TMPRSS9: variants seen among roughly 807,000 people sequenced by gnomAD.
TMPRSS9 encodes transmembrane protease serine 9.
A neutral mutation model predicts 111.4 loss-of-function variants in TMPRSS9; 113 were observed. The observed-to-expected ratio is 1.01, with a 90% CI of 0.87 to 1.19. TMPRSS9 has a LOEUF of 1.19. Ranked by LOEUF, TMPRSS9 falls within the 50% of genes most tolerant of loss-of-function variation. TMPRSS9 has a pLI of 0.00. For synonymous variants in TMPRSS9, 805 were observed against 659.1 expected (o/e 1.22, Z -3.39); for missense variants, 1,803 against 1,513.1 (o/e 1.19, Z -3.18).
intron 1 of TMPRSS9, among the ~76,000 whole-genome samples, chr19:2,364,848 C>A (rs1011352087): frequency 2.0e-5 from 3 of 151,712 alleles, no homozygotes; most frequent in South Asian, 2.1e-4. Context: ...TTAGCCGGGC[C>A]TGGTGGCGGG....
intron 2 of TMPRSS9, among the ~76,000 whole-genome samples, chr19:2,398,493 C>T (rs929767949): frequency 1.3e-5 from 2 of 151,746 alleles, no homozygotes; most frequent in Non-Finnish European, 2.9e-5. Context: ...TGGCGGGCAC[C>T]TGTAATCCCA....
intron 1 of TMPRSS9, among the ~76,000 whole-genome samples, chr19:2,379,627 T>TTCTC (rs780130305): frequency 7.1e-6 from 1 of 140,188 alleles, no homozygotes; most frequent in African/African-American, 2.8e-5. Flanking sequence ...CTTTCTTTCT[T>TTCTC]TCTTTCTTTC....
At chr19:2,387,163 C>G (rs908117778), upstream of TMPRSS9, among the ~76,000 whole-genome samples, 1 of 152,010 alleles carries the variant, frequency 6.6e-6, no homozygotes, top group Non-Finnish European at 1.5e-5. Context: ...TCAAAACCAG[C>G]CTGGGCAACA....
chr19:2,411,788 G>A (rs1333299473), intron 9 of TMPRSS9, among the ~76,000 whole-genome samples: 1 of 152,134 alleles, frequency 6.6e-6, no homozygotes, highest in Non-Finnish European at 1.5e-5. Flanking sequence ...CTGGCTTCAG[G>A]TGATCTGCCC....
chr19:2,394,525 T>TTA (rs764288918), intron 1 of TMPRSS9, among the ~76,000 whole-genome samples: 35 of 152,192 alleles, frequency 2.3e-4, no homozygotes, highest in Non-Finnish European at 4.1e-4. Flanking sequence ...CTGCAGTTGT[T>TTA]TAGAGTAGAA....
At chr19:2,379,528 G>T (rs1041097925) in intron 1 of TMPRSS9, among the ~76,000 whole-genome samples, 1 of 151,744 alleles carries the variant, frequency 6.6e-6, no homozygotes, top group African/African-American at 2.4e-5. Context: ...TTCCAGATGG[G>T]GCTGTTGGGC....
chr19:2,417,719 ACAGTTAATGCTTCC>A (rs1971282465), intron 12 of TMPRSS9, among the ~76,000 whole-genome samples: 1 of 152,058 alleles, frequency 6.6e-6, no homozygotes, highest in South Asian at 2.1e-4. Flanking sequence ...TCCCACTCCA[ACAGTTAATGCTTCC>A]CTTGACCTCA....
Position 2,416,384 on chromosome 19 carries a change from C to G in TMPRSS9, c.1746-154C>G, listed in dbSNP as rs2145380450. On this transcript the variant is annotated intron_variant, in intron 11 of 17. Transcript: ENST00000648592. ...GAGGAGCCCAGCAGCCCCTCTTTCC[C>G]TGGTCCTCCTCCCTGGAGCCGAAGG... 7 of 1,006,898 alleles carry G rather than the reference C, an allele frequency of 7.0e-6. No homozygotes were observed. The South Asian group carries it at 1.3e-4, about 18-fold the overall frequency. 62.4% of individuals were successfully genotyped at this position (1,006,898 alleles called of 1,614,324 possible).
At chr19:2,392,999 G>A (rs957217016) in intron 1 of TMPRSS9, among the ~76,000 whole-genome samples, 3 of 152,046 alleles carry the variant, frequency 2.0e-5, no homozygotes, top group Non-Finnish European at 2.9e-5. Context: ...TCTAGCTCAG[G>A]GATTGTAAAC....
intron 1 of TMPRSS9, among the ~76,000 whole-genome samples, chr19:2,391,601 CGTGT>C (rs10636442): frequency 3.3e-5 from 5 of 149,460 alleles, no homozygotes; most frequent in East Asian, 3.9e-4. Flanking sequence ...TGTGTGCATG[CGTGT>C]GTGTGTGTGT....
chr19:2,425,116 C>T (rs1045831488), exon 16 of TMPRSS9: 3 of 1,583,416 alleles, frequency 1.9e-6, no homozygotes, highest in African/African-American at 2.7e-5. Context: ...ACAATCTCTA[C>T]ACGCTCGACT....
chr19:2,370,404 G>C (rs1970278774), intron 1 of TMPRSS9, among the ~76,000 whole-genome samples: 1 of 141,202 alleles, frequency 7.1e-6, no homozygotes, highest in Admixed American at 7.2e-5. Flanking sequence ...CTGGGTGATA[G>C]AGTGAGACTC....
intron 8 of TMPRSS9, 96 bp downstream of exon 9, chr19:2,408,726 C>G (rs1040282776): frequency 2.7e-6 from 4 of 1,494,464 alleles, no homozygotes; most frequent in Non-Finnish European, 3.6e-6. Context: ...CCTGTCATCC[C>G]AGCACTTTGG....
chr19:2,363,311 A>G (rs1459116007), intron 1 of TMPRSS9, among the ~76,000 whole-genome samples: 3 of 151,966 alleles, frequency 2.0e-5, no homozygotes, highest in African/African-American at 7.3e-5. Flanking sequence ...CAGGCTGGGG[A>G]CTCTGTCCGC....
intron 1 of TMPRSS9, among the ~76,000 whole-genome samples, chr19:2,371,998 T>C (rs114405256): frequency 0.034 from 5,157 of 152,228 alleles, 320 homozygotes; most frequent in African/African-American, 0.12. Context: ...TCTCCCGGGT[T>C]CAAGCTGGGA....
chr19:2,375,588 G>A lies in TMPRSS9; in HGVS notation c.-25-14173G>A, dbSNP rs544788206. ...TGTGATTGGCAGGCCAGGGTCCAGT[G>A]TGGACCAATCACTGGCTGGAGATGG... is the stretch of plus-strand genomic sequence containing the variant. On this transcript the variant is annotated intron_variant, in intron 1 of 17. Coordinates refer to the TMPRSS9 transcript ENST00000649857. 5.4e-4 allele frequency among the ~76,000 whole-genome samples: 82 copies of A among 152,242 alleles called. 1 individual carries two copies. The South Asian group carries it at 7.1e-3, about 13-fold the overall frequency.
At chr19:2,401,214 A>C (rs889062714) in intron 4 of TMPRSS9, among the ~76,000 whole-genome samples, 11 of 151,994 alleles carry the variant, frequency 7.2e-5, no homozygotes, top group South Asian at 2.1e-4. Flanking sequence ...GCGGAGCTTG[A>C]AGTGAGCCGA....
At chr19:2,411,483 C>T (rs750516125) in intron 9 of TMPRSS9, among the ~76,000 whole-genome samples, 5 of 147,006 alleles carry the variant, frequency 3.4e-5, no homozygotes, top group African/African-American at 7.5e-5. Flanking sequence ...CTGCAACCTC[C>T]GCCTCCCAGG....
At chr19:2,422,538 C>T (rs1363835585) in intron 14 of TMPRSS9, among the ~76,000 whole-genome samples, 1 of 152,084 alleles carries the variant, frequency 6.6e-6, no homozygotes, top group South Asian at 2.1e-4. Context: ...CTGCATGCCA[C>T]TGCACTCCAG....
Sources: allele counts gnomAD v4.1 joint callset (sites outside exome capture counted in the v4.1 genomes callset), GRCh38; gene constraint gnomAD v4.1.1; transcripts MANE v1.5; gene names NCBI Gene and HGNC (gene_info 2026-07-23, HGNC 2026-07-21).